DOCK4: variants seen among roughly 807,000 people sequenced by gnomAD.
DOCK4 encodes the protein dedicator of cytokinesis 4.
A neutral mutation model predicts 268.1 loss-of-function variants in DOCK4; 97 were observed. The ratio of observed to expected loss-of-function variants is 0.36; its 90% CI spans 0.31 to 0.43. DOCK4 has a LOEUF of 0.43. Ranked by LOEUF, DOCK4 falls within the 20% of genes least tolerant of loss-of-function variation. The pLI is 1.00. For synonymous variants in DOCK4, 954 were observed against 887.2 expected, an observed-to-expected ratio of 1.08 and a Z score of -1.34; for missense variants, 2,145 against 2,455.7, an observed-to-expected ratio of 0.87 and a Z score of 2.67.
chr7:112,135,491 C>T (rs1390668639), intron 1 of DOCK4, among the ~76,000 whole-genome samples: 1 of 152,058 alleles, frequency 6.6e-6, no homozygotes, highest in Non-Finnish European at 1.5e-5. Flanking sequence ...TATAGTCTAA[C>T]TTATTTATTA....
At chr7:111,982,171 G>A (rs566114612) in intron 7 of DOCK4, among the ~76,000 whole-genome samples, 4 of 152,230 alleles carry the variant, frequency 2.6e-5, no homozygotes, top group East Asian at 1.9e-4. Context: ...CAAATATGAT[G>A]GCTAGAACTC....
intron 28 of DOCK4, among the ~76,000 whole-genome samples, chr7:111,811,088 G>T (rs544095732): frequency 6.6e-6 from 1 of 152,096 alleles, no homozygotes; most frequent in South Asian, 2.1e-4. Flanking sequence ...TATTTTACAA[G>T]AATGTACATA....
intron 27 of DOCK4, among the ~76,000 whole-genome samples, chr7:111,812,619 A>T (rs1435366000): frequency 6.6e-6 from 1 of 152,268 alleles, no homozygotes; most frequent in East Asian, 1.9e-4. Context: ...TGCAGAGGAA[A>T]AAATGGAGCC....
chr7:112,175,922 T>C (rs946203214), intron 1 of DOCK4, among the ~76,000 whole-genome samples: 1 of 152,186 alleles, frequency 6.6e-6, no homozygotes, highest in Non-Finnish European at 1.5e-5. Flanking sequence ...TTCTGGGACA[T>C]ATGCCAAAAA....
In DOCK4 at chr7:111,809,372, G is replaced by T. The variant is rs750957629; in HGVS notation, c.3036C>A (p.Val1012=). Residue 1012 remains valine (V), a synonymous_variant, in exon 29 of 53, where the codon GTC becomes GTA. Coordinates refer to ENST00000428084, the MANE Select transcript of DOCK4 (RefSeq NM_001363540.2). The part of the protein sequence containing the change: ...KIWDSYFYLA[V]IFINQLCLQL... ...GCAGACACAACTGGTTTATAAAAAT[G>T]ACTGCGAGGTAAAAGTAGGAATCCC... The T allele has an allele frequency of 8.9e-6, 14 of 1,565,294 alleles. No homozygotes were observed. The South Asian group carries it at 1.5e-4, about 17-fold the overall frequency.
intron 1 of DOCK4, among the ~76,000 whole-genome samples, chr7:112,179,938 A>G (rs2116686235): frequency 6.6e-6 from 1 of 152,280 alleles, no homozygotes; most frequent in East Asian, 1.9e-4. Flanking sequence ...TAAACTGACA[A>G]GTTGTCAATC....
chr7:111,863,500 T>G lies in DOCK4; in HGVS notation c.2345A>C (p.Glu782Ala). ...SELLKLFDVR[E>A]VANLVQDTLG... Reference sequence around the variant, plus strand: ...GGTGTCCTGGACCAAGTTGGCTACTTCCCGGACATCAAAGAGCTTCAACAG... The same window carrying G: ...GGTGTCCTGGACCAAGTTGGCTACTGCCCGGACATCAAAGAGCTTCAACAG... Residue 782 changes from glutamate (E) to alanine (A), a missense_variant, in exon 23 of 53, where the codon GAA (glutamate) becomes GCA (alanine). This residue lies in a region of DOCK4 where 1,598 missense variants were observed against 1,986.7 expected (regional missense o/e 0.80). Transcript: ENST00000428084. 1 of 1,613,820 alleles carries G rather than the reference T, an allele frequency of 6.2e-7. No individual in the cohort carries two copies. The highest frequency in any genetic ancestry group is 8.5e-7 in the Non-Finnish European group (1 of 1,179,844).
intron 6 of DOCK4, among the ~76,000 whole-genome samples, chr7:111,987,222 C>T (rs1799118163): frequency 6.6e-6 from 1 of 152,180 alleles, no homozygotes; most frequent in Non-Finnish European, 1.5e-5. Flanking sequence ...GCCCAAAGTA[C>T]AAGCCAGAAC....
chr7:112,130,226 G>C (rs1054525672), intron 1 of DOCK4, among the ~76,000 whole-genome samples: 28 of 152,128 alleles, frequency 1.8e-4, no homozygotes, highest in Admixed American at 1.7e-3. Flanking sequence ...GGGGCTGTGT[G>C]ACAGTACAGG....
At chr7:112,027,169 A>G (rs1269050530) in intron 1 of DOCK4, among the ~76,000 whole-genome samples, 2 of 152,186 alleles carry the variant, frequency 1.3e-5, no homozygotes, top group Non-Finnish European at 2.9e-5. Context: ...GACCAGAAAA[A>G]GGAACTGTGT....
chr7:111,948,723 T>C (rs1005594512), intron 8 of DOCK4, among the ~76,000 whole-genome samples: 2 of 151,678 alleles, frequency 1.3e-5, no homozygotes, highest in African/African-American at 4.8e-5. Context: ...GCTTCCTGAG[T>C]AGCTGGGATT....
At chr7:111,772,717 A>G (rs1262197588) in intron 36 of DOCK4, among the ~76,000 whole-genome samples, 2 of 152,138 alleles carry the variant, frequency 1.3e-5, no homozygotes, top group Non-Finnish European at 2.9e-5. Context: ...AATCACTTGA[A>G]CCCAGGAGAT....
chr7:111,790,376 T>G, intron 31 of DOCK4, 81 bp downstream of exon 31: 1 of 1,532,084 alleles, frequency 6.5e-7, no homozygotes. Context: ...ATTTCCCAAG[T>G]TGGAGTTGAA....
chr7:111,808,734 A>G, intron 30 of DOCK4, 87 bp downstream of exon 30: 11 of 1,345,416 alleles, frequency 8.2e-6, no homozygotes, highest in Non-Finnish European at 1.1e-5. Flanking sequence ...ACATGGTGTC[A>G]CTGGTAAATT....
intron 28 of DOCK4, among the ~76,000 whole-genome samples, chr7:111,811,112 A>G (rs562781906): frequency 2.8e-4 from 43 of 152,376 alleles, no homozygotes; most frequent in African/African-American, 8.7e-4. Flanking sequence ...TGAGTAATTT[A>G]TAAGAATGAA....
chr7:111,926,579 C>T lies in DOCK4; in HGVS notation c.1066+8961G>A, dbSNP rs936729034. 8.0e-5 allele frequency among the ~76,000 whole-genome samples: 10 copies of T among 125,762 alleles called. No homozygotes were observed. The East Asian group carries it at 2.5e-3, about 31-fold the overall frequency. 82.5% of individuals were successfully genotyped at this position (125,762 alleles called of 152,430 possible). On this transcript the variant is annotated intron_variant, in intron 12 of 52. Transcript: ENST00000428084. ...GAAGGAAGGAAGCAGGGCGGGCGGG[C>T]AAGGCGGGCAAGGTGGGCAGATCAC...
At chr7:112,067,716 T>C (rs1002067909) in intron 1 of DOCK4, among the ~76,000 whole-genome samples, 3 of 152,260 alleles carry the variant, frequency 2.0e-5, no homozygotes, top group Admixed American at 1.3e-4. Flanking sequence ...TCAGTACCTG[T>C]GGGGAACAGG....
chr7:111,848,987 A>G (rs1180044344), intron 23 of DOCK4, among the ~76,000 whole-genome samples: 9 of 152,210 alleles, frequency 5.9e-5, no homozygotes, highest in Non-Finnish European at 1.3e-4. Flanking sequence ...TCCTTCATCC[A>G]GATAAAGGAC....
intron 1 of DOCK4, among the ~76,000 whole-genome samples, chr7:112,160,614 A>C (rs1384526651): frequency 6.6e-6 from 1 of 152,192 alleles, no homozygotes; most frequent in Non-Finnish European, 1.5e-5. Context: ...GGTTACACAG[A>C]AATCTGAACA....
Sources: gnomAD v4.1 joint callset for allele counts (sites outside exome capture counted in the v4.1 genomes callset) on GRCh38, gnomAD v4.1.1 for gene constraint, gnomAD v4.1.1 regional missense constraint, MANE v1.5 for transcripts, NCBI Gene and HGNC (gene_info 2026-07-23, HGNC 2026-07-21) for gene names.